UNC80: variants seen among roughly 807,000 people sequenced by gnomAD.
UNC80 encodes protein unc-80 homolog.
In UNC80, 164 loss-of-function variants were observed where a neutral mutation model predicts 384.6. That is an observed-to-expected ratio of 0.43 (90% CI 0.38 to 0.49). The LOEUF is 0.49. UNC80 is among the 20% of genes least tolerant of loss of function. The pLI is 0.00. For missense variants in UNC80, 3,330 were observed against 4,143.0 expected, an observed-to-expected ratio of 0.80 and a Z score of 5.39; for synonymous variants, 1,486 against 1,527.8, an observed-to-expected ratio of 0.97 and a Z score of 0.64.
intron 9 of UNC80, 27 bp from the exon 10 acceptor site, chr2:209,816,882 C>G: frequency 6.5e-7 from 1 of 1,549,654 alleles, no homozygotes; most frequent in South Asian, 1.2e-5. Flanking sequence ...TGCCCTGTGC[C>G]TAATTCTACA....
intron 37 of UNC80, among the ~76,000 whole-genome samples, chr2:209,930,549 C>G (rs1357145067): frequency 6.6e-6 from 1 of 152,082 alleles, no homozygotes; most frequent in Non-Finnish European, 1.5e-5. Flanking sequence ...GACTCAAAAC[C>G]TAGAAAGCAG....
intron 22 of UNC80, among the ~76,000 whole-genome samples, chr2:209,870,205 A>T (rs2084175808): frequency 6.6e-6 from 1 of 152,154 alleles, no homozygotes; most frequent in African/African-American, 2.4e-5. Context: ...TCTTTCTGTC[A>T]TTAAGCTTTG....
At position 209,817,868 on chromosome 2, in the gene UNC80, G is replaced by A. The variant is rs1039801430; in HGVS notation, c.1609G>A (p.Ala537Thr). The change falls in exon 11 of 65, where the codon GCC becomes ACC. Residue 537 changes from alanine to threonine, a missense_variant. Physicochemically the swap from Ala to Thr is moderately conservative, Grantham distance 58. This residue lies in a region of UNC80 where 937 missense variants were observed against 1,026.8 expected (regional missense o/e 0.91). Transcript: ENST00000673920. ...DAATEMESLSARHSHSHHTLV... is the reference protein window; with the variant it reads ...DAATEMESLSTRHSHSHHTLV... The stretch of plus-strand genomic sequence containing the variant: ...AGCCACTGAGATGGAGAGTCTGAGC[G>A]CCAGGCATTCCCACTCCCATCACAC... The A allele has an allele frequency of 3.0e-5, 47 of 1,551,628 alleles. No individual in the cohort carries two copies. The highest frequency in any genetic ancestry group is 2.0e-4 in the Admixed American group (10 of 50,988).
At chr2:209,923,976 G>A (rs1478683600) in intron 35 of UNC80, among the ~76,000 whole-genome samples, 1 of 151,936 alleles carries the variant, frequency 6.6e-6, no homozygotes, top group Non-Finnish European at 1.5e-5. Context: ...GAAAGACACA[G>A]TTTTATTTAT....
chr2:209,855,214 A>G (rs567244116), intron 22 of UNC80, among the ~76,000 whole-genome samples: 2 of 152,298 alleles, frequency 1.3e-5, no homozygotes, highest in South Asian at 4.1e-4. Context: ...CAAACACCAC[A>G]TGTTCTCACT....
At chr2:209,893,909 AT>A (rs1316827439) in intron 26 of UNC80, among the ~76,000 whole-genome samples, 8 of 152,338 alleles carry the variant, frequency 5.3e-5, no homozygotes, top group African/African-American at 1.9e-4. Flanking sequence ...AAGCACACTC[AT>A]GCTAGTGAAA....
chr2:209,825,150 C>T (rs1176779870), intron 13 of UNC80, among the ~76,000 whole-genome samples: 1 of 152,174 alleles, frequency 6.6e-6, no homozygotes, highest in Non-Finnish European at 1.5e-5. Context: ...AAGAAAGTGA[C>T]TCTTCCACAC....
chr2:209,833,894 CA>C, intron 16 of UNC80, 107 bp from the exon 17 acceptor site: 1 of 1,077,254 alleles, frequency 9.3e-7, no homozygotes, highest in Non-Finnish European at 1.3e-6. Context: ...TTAATGATTC[CA>C]ATGCTCATCT....
chr2:209,860,631 C>T lies in UNC80; in HGVS notation c.3627+11008C>T, dbSNP rs181640437. 1.9e-3 allele frequency among the ~76,000 whole-genome samples: 291 copies of T among 152,278 alleles called. 2 individuals carry two copies. Among genetic ancestry groups the T allele is most frequent in the African/African-American group, 6.6e-3 (275 of 41,572 alleles). On this transcript the variant is annotated intron_variant, in intron 22 of 64. Coordinates refer to ENST00000673920, the MANE Select transcript of UNC80 (RefSeq NM_001371986.1). ...GGAATAGCATTGAATCTATAAATTA[C>T]TTTGGGCAGTATGGCCATTTTCATG...
chr2:209,961,991 A>T (rs1478919368), intron 51 of UNC80, among the ~76,000 whole-genome samples: 1 of 152,138 alleles, frequency 6.6e-6, no homozygotes, highest in African/African-American at 2.4e-5. Flanking sequence ...CAAAAAGGGT[A>T]TGATCCCATT....
intron 29 of UNC80, among the ~76,000 whole-genome samples, chr2:209,906,913 C>G (rs2088290738): frequency 6.6e-6 from 1 of 152,012 alleles, no homozygotes; most frequent in South Asian, 2.1e-4. Context: ...AATATGTGAG[C>G]CTAAATTATT....
In UNC80 at chr2:209,831,219, C is replaced by T. The variant is rs192959656; in HGVS notation, c.2627-224C>T. On this transcript the variant is annotated intron_variant, in intron 15 of 64. Transcript: ENST00000673920. ...CTAAGATTTATCAATAAAACCATTC[C>T]GGAAATGCAATTGGTTTTATCACAG... is the stretch of plus-strand genomic sequence containing the variant. Among the ~76,000 whole-genome samples the T allele has an allele frequency of 6.6e-5, 10 of 151,980 alleles. No homozygotes were observed. The East Asian group carries it at 7.8e-4, about 12-fold the overall frequency.
Position 209,976,475 on chromosome 2 carries a change from A to C in UNC80, c.8772+172A>C, listed in dbSNP as rs1330801999. ...GCCCAAAAATATATTCCAGAGGATA[A>C]AAATTTCACACTAGAAATGCCTTCA... is the stretch of plus-strand genomic sequence containing the variant. On this transcript the variant is annotated intron_variant, in intron 57 of 64. Coordinates refer to ENST00000673920, the MANE Select transcript of UNC80 (RefSeq NM_001371986.1). The surrounding 1 kb of genome is among the most constrained non-coding windows in gnomAD (Gnocchi z 4.3). Among the ~76,000 whole-genome samples the C allele has an allele frequency of 1.3e-5, 2 of 152,168 alleles. No homozygotes were observed. The highest frequency in any genetic ancestry group is 2.9e-5 in the Non-Finnish European group (2 of 68,044).
At chr2:209,821,260 C>G (rs2080113892) in intron 13 of UNC80, among the ~76,000 whole-genome samples, 2 of 152,022 alleles carry the variant, frequency 1.3e-5, no homozygotes, top group African/African-American at 4.8e-5. Flanking sequence ...AAAGAGCTTC[C>G]TTGTGTTTCT....
chr2:209,792,280 G>T (rs2077858973), intron 6 of UNC80, among the ~76,000 whole-genome samples: 1 of 152,170 alleles, frequency 6.6e-6, no homozygotes, highest in African/African-American at 2.4e-5. Context: ...CTCCAGACTG[G>T]GTAAGCGAGA....
At chr2:209,829,127 G>A (rs917680335) in intron 14 of UNC80, 105 bp from the exon 15 acceptor site, 67 of 1,369,514 alleles carry the variant, frequency 4.9e-5, no homozygotes, top group Non-Finnish European at 6.2e-5. Flanking sequence ...AGCGAGTGGG[G>A]ATGGTTGGAA....
chr2:209,951,748 T>C (rs1036903964), intron 47 of UNC80, among the ~76,000 whole-genome samples: 5 of 152,216 alleles, frequency 3.3e-5, no homozygotes, highest in African/African-American at 4.8e-5. Context: ...TTGATAGCTT[T>C]CAATAATTTT....
chr2:209,793,668 G>A (rs955510220), intron 6 of UNC80, 52 bp from the exon 7 acceptor site: 1 of 1,601,898 alleles, frequency 6.2e-7, no homozygotes, highest in Non-Finnish European at 8.5e-7. Flanking sequence ...AGCTACAGGG[G>A]AAAACAAAAA....
intron 15 of UNC80, 52 bp downstream of exon 15, chr2:209,829,431 G>A (rs1158151954): frequency 1.3e-6 from 2 of 1,541,594 alleles, no homozygotes; most frequent in Non-Finnish European, 1.8e-6. Flanking sequence ...AGGTGAATCA[G>A]GTAGTGTTTC....
Sources: allele counts gnomAD v4.1 joint callset (sites outside exome capture counted in the v4.1 genomes callset), GRCh38; gene constraint gnomAD v4.1.1; regional missense constraint gnomAD v4.1.1; non-coding constraint Gnocchi (gnomAD v3.1); transcripts MANE v1.5; gene names NCBI Gene and HGNC (gene_info 2026-07-23, HGNC 2026-07-21).